The following SVEP1 variants were observed in gnomAD, a reference collection of about 807,000 sequenced individuals.
SVEP1 encodes sushi, von Willebrand factor type A, EGF and pentraxin domain containing 1, also known as sushi, von Willebrand factor type A, EGF and pentraxin domain-containing protein 1.
In SVEP1, 164 loss-of-function variants were observed where a neutral mutation model predicts 367.3. The ratio of observed to expected loss-of-function variants is 0.45; its 90% CI spans 0.39 to 0.51. The LOEUF is 0.51. Ranked by LOEUF, SVEP1 falls within the 20% of genes least tolerant of loss-of-function variation. SVEP1 has a pLI of 0.00. For synonymous variants in SVEP1, 1,666 were observed against 1,611.6 expected (o/e 1.03, Z -0.81); for missense variants, 4,117 against 4,425.3 (o/e 0.93, Z 1.98).
At chr9:110,500,895 A>G (rs1411611600) in intron 6 of SVEP1, among the ~76,000 whole-genome samples, 1 of 151,862 alleles carries the variant, frequency 6.6e-6, no homozygotes, top group Non-Finnish European at 1.5e-5. Flanking sequence ...GTTCATTACA[A>G]TATTTTTCTA....
At position 110,385,859 on chromosome 9, in the gene SVEP1, G is replaced by A. The variant is rs377045629; in HGVS notation, c.10237+39C>T. ...CCTCACAGGGATGGGAAAACATTTC[G>A]CACTAGCGGCATGAACTGGCTTCCG... On this transcript the variant is annotated intron_variant, in intron 43 of 47. Coordinates refer to ENST00000374469, the MANE Select transcript of SVEP1 (RefSeq NM_153366.4). The A allele has an allele frequency of 6.3e-5, 100 of 1,587,648 alleles. No homozygotes were observed. The East Asian group carries it at 7.0e-4, about 11-fold the overall frequency.
intron 8 of SVEP1, among the ~76,000 whole-genome samples, chr9:110,495,610 TCCC>T (rs536593618): frequency 1.3e-5 from 2 of 151,754 alleles, no homozygotes. Flanking sequence ...GCGCTCTGCA[TCCC>T]CCCCGCCGCC....
At chr9:110,531,343 C>T (rs1189616324) in intron 3 of SVEP1, among the ~76,000 whole-genome samples, 1 of 152,048 alleles carries the variant, frequency 6.6e-6, no homozygotes, top group Non-Finnish European at 1.5e-5. Context: ...GTGTTCCCAC[C>T]CAAATCTCAT....
chr9:110,445,799 A>C, intron 26 of SVEP1, 38 bp downstream of exon 26: 1 of 1,607,882 alleles, frequency 6.2e-7, no homozygotes, highest in Non-Finnish European at 8.5e-7. Context: ...GTTCCAAGAT[A>C]AGATCTTAAG....
At chr9:110,374,844 T>C (rs968447878) in intron 46 of SVEP1, among the ~76,000 whole-genome samples, 1 of 152,186 alleles carries the variant, frequency 6.6e-6, no homozygotes, top group African/African-American at 2.4e-5. Context: ...CCCAAGATAA[T>C]AGAAATCATT....
intron 3 of SVEP1, among the ~76,000 whole-genome samples, chr9:110,525,141 G>T (rs558607920): frequency 6.6e-6 from 1 of 152,214 alleles, no homozygotes; most frequent in East Asian, 1.9e-4. Context: ...ATTCGGATTA[G>T]AAAGGAAGAA....
rs1829765796 is a variant in SVEP1 at position 110,514,234 on chromosome 9, G to C, written c.965-128C>G. 4.0e-6 allele frequency: 5 copies of C among 1,255,378 alleles called. No homozygotes were observed. The Admixed American group carries it at 8.1e-5, about 20-fold the overall frequency. 77.8% of individuals were successfully genotyped at this position (1,255,378 alleles called of 1,614,324 possible). ...TTCCATAGAAATGGTGATGTAGGCT[G>C]GGTGTGGTGGCTCACGCCTGTAATC... On this transcript the variant is annotated intron_variant, in intron 3 of 47. Coordinates refer to ENST00000374469, the MANE Select transcript of SVEP1 (RefSeq NM_153366.4).
intron 3 of SVEP1, among the ~76,000 whole-genome samples, chr9:110,537,791 A>G (rs1264764788): frequency 6.6e-6 from 1 of 151,910 alleles, no homozygotes; most frequent in Non-Finnish European, 1.5e-5. Flanking sequence ...AAGTCCTGCC[A>G]AAAAAATTTA....
At chr9:110,390,349 ACT>A (rs1483148557) in intron 40 of SVEP1, among the ~76,000 whole-genome samples, 957 of 50,278 alleles carry the variant, frequency 0.019, 153 homozygotes, top group Middle Eastern at 0.058. Flanking sequence ...ACTTATATAC[ACT>A]TATATATATA....
At chr9:110,398,983 T>G (rs1038184149) in intron 40 of SVEP1, among the ~76,000 whole-genome samples, 2 of 152,130 alleles carry the variant, frequency 1.3e-5, no homozygotes, top group African/African-American at 4.8e-5. Context: ...GACCCAGCCA[T>G]CCCATTACTG....
At chr9:110,476,795 T>C (rs900403365) in intron 13 of SVEP1, among the ~76,000 whole-genome samples, 2 of 152,106 alleles carry the variant, frequency 1.3e-5, no homozygotes, top group Non-Finnish European at 2.9e-5. Context: ...ATTCTAGAAA[T>C]ACTAGAAATT....
At chr9:110,536,012 G>A (rs934654955) in intron 3 of SVEP1, among the ~76,000 whole-genome samples, 5 of 152,072 alleles carry the variant, frequency 3.3e-5, no homozygotes, top group Admixed American at 6.6e-5. Context: ...TTTAATAGGA[G>A]TGGTGAGAGA....
At chr9:110,540,823 T>C (rs1183895647) in intron 3 of SVEP1, among the ~76,000 whole-genome samples, 1 of 152,198 alleles carries the variant, frequency 6.6e-6, no homozygotes, top group South Asian at 2.1e-4. Context: ...TACAATATTT[T>C]TGTGCATCAG....
chr9:110,385,737 A>AGAT (rs1827511346), intron 43 of SVEP1, among the ~76,000 whole-genome samples, 161 bp downstream of exon 43: 1 of 152,244 alleles, frequency 6.6e-6, no homozygotes, highest in South Asian at 2.1e-4. Flanking sequence ...TGAAATTCAA[A>AGAT]GATTAAAAGA....
Position 110,579,430 on chromosome 9 carries a change from G to T in SVEP1, c.114C>A (p.Thr38=), listed in dbSNP as rs750372212. 1.3e-6 allele frequency: 2 copies of T among 1,589,502 alleles called. No homozygotes were observed. Among genetic ancestry groups the T allele is most frequent in the Non-Finnish European group, 8.6e-7 (1 of 1,169,016 alleles). The part of the protein sequence containing the change: ...RNFSFRLFPE[T]APGAPGSIPA... Reference sequence around the variant, plus strand: ...GGATACTCCCGGGGGCCCCGGGCGCGGTCTCGGGGAAGAGGCGGAAGCTGA... The same window carrying T: ...GGATACTCCCGGGGGCCCCGGGCGCTGTCTCGGGGAAGAGGCGGAAGCTGA... Residue 38 remains threonine, a synonymous_variant, in exon 1 of 48, where the codon ACC becomes ACA. Transcript: ENST00000374469. The surrounding 1 kb of genome is among the most constrained non-coding windows in gnomAD (Gnocchi z 5.3).
At chr9:110,423,701 A>G (rs1429301540) in intron 36 of SVEP1, among the ~76,000 whole-genome samples, 2 of 152,202 alleles carry the variant, frequency 1.3e-5, no homozygotes, top group African/African-American at 4.8e-5. Context: ...AAAAGGCACC[A>G]TAGAGTAAAA....
At chr9:110,514,642 T>A (rs538127090) in intron 3 of SVEP1, among the ~76,000 whole-genome samples, 3 of 152,326 alleles carry the variant, frequency 2.0e-5, no homozygotes, top group African/African-American at 7.2e-5. Flanking sequence ...TGGCCTCTTA[T>A]GTCCCACAAT....
At chr9:110,538,865 A>G in intron 3 of SVEP1, among the ~76,000 whole-genome samples, 1 of 152,074 alleles carries the variant, frequency 6.6e-6, no homozygotes, top group East Asian at 1.9e-4. Context: ...ACTACTCTCA[A>G]TGTGATTTGA....
At chr9:110,491,565 T>C (rs533314232) in intron 8 of SVEP1, among the ~76,000 whole-genome samples, 2 of 150,340 alleles carry the variant, frequency 1.3e-5, no homozygotes, top group South Asian at 2.1e-4. Context: ...TTACTATATA[T>C]AGCATTACAT....
Sources: allele counts gnomAD v4.1 joint callset (sites outside exome capture counted in the v4.1 genomes callset), GRCh38; gene constraint gnomAD v4.1.1; non-coding constraint Gnocchi (gnomAD v3.1); transcripts MANE v1.5; gene names NCBI Gene and HGNC (gene_info 2026-07-23, HGNC 2026-07-21).